AFF1: variants seen among roughly 807,000 people sequenced by gnomAD.
AFF1 encodes AF4/FMR2 family member 1.
In AFF1, 48 loss-of-function variants were observed where a neutral mutation model predicts 121.7. The ratio of observed to expected loss-of-function variants is 0.39; its 90% CI spans 0.31 to 0.50. AFF1 has a LOEUF of 0.50. Ranked by LOEUF, AFF1 falls within the 20% of genes least tolerant of loss-of-function variation. The probability of loss-of-function intolerance (pLI) is 0.76; values close to 1 mark genes in which losing one functional copy is unlikely to be tolerated. For missense variants in AFF1, 1,523 were observed against 1,511.7 expected (o/e 1.01, Z -0.12); for synonymous variants, 613 against 563.0 (o/e 1.09, Z -1.26).
chr4:87,018,752 T>A (rs569234911), intron 2 of AFF1, among the ~76,000 whole-genome samples: 1 of 152,358 alleles, frequency 6.6e-6, no homozygotes, highest in East Asian at 1.9e-4. Context: ...GCAAAGTGAG[T>A]ACCATAACAA....
intron 2 of AFF1, among the ~76,000 whole-genome samples, chr4:87,014,727 G>C (rs1430685931): frequency 6.6e-6 from 1 of 152,192 alleles, no homozygotes; most frequent in African/African-American, 2.4e-5. Flanking sequence ...ATTATCACGT[G>C]ACTTTCATCC....
intron 2 of AFF1, among the ~76,000 whole-genome samples, chr4:87,041,285 A>G (rs1730120542): frequency 6.6e-6 from 1 of 152,184 alleles, no homozygotes; most frequent in Non-Finnish European, 1.5e-5. Context: ...TGATAGTGCC[A>G]AAATCAGTGT....
chr4:86,968,778 C>A (rs1722709957), intron 2 of AFF1, among the ~76,000 whole-genome samples: 1 of 152,074 alleles, frequency 6.6e-6, no homozygotes, highest in African/African-American at 2.4e-5. Context: ...TCAGGGGGAC[C>A]CTTCTTGGAT....
At chr4:87,120,900 A>G (rs1216443363) in intron 12 of AFF1, among the ~76,000 whole-genome samples, 1 of 152,138 alleles carries the variant, frequency 6.6e-6, no homozygotes, top group Non-Finnish European at 1.5e-5. Flanking sequence ...AGCTGGCTGC[A>G]CGGCAGCGCA....
rs1392071939 is a variant in AFF1 at position 87,132,286 on chromosome 4, C to T, written c.3189C>T (p.Ser1063=). The T allele has an allele frequency of 1.9e-6, 3 of 1,612,448 alleles. No individual in the cohort carries two copies. Among genetic ancestry groups the T allele is most frequent in the East Asian group, 4.5e-5 (2 of 44,792 alleles). The change falls in exon 19 of 21, where the codon TCC becomes TCT. Residue 1063 remains serine, a synonymous_variant. Transcript: ENST00000395146. ...IFAVLCMRCQ[S]ILNMAMFRCK... ...TTGTTCATAGCATGCGTTGCCAGTC[C>T]ATTTTGAACATGGCGATGTTTCGTT...
At chr4:87,102,857 T>C (rs1349416523) in intron 8 of AFF1, among the ~76,000 whole-genome samples, 3 of 152,224 alleles carry the variant, frequency 2.0e-5, no homozygotes, top group Admixed American at 2.0e-4. Flanking sequence ...AGGTGTGCTG[T>C]AGTTCATCTC....
chr4:87,060,867 A>AAAAAAC (rs1560586070), intron 4 of AFF1, among the ~76,000 whole-genome samples: 6 of 41,066 alleles, frequency 1.5e-4, no homozygotes, highest in Non-Finnish European at 2.2e-4. Context: ...AAAAAAAAAA[A>AAAAAAC]CACAAAAAAA....
intron 8 of AFF1, among the ~76,000 whole-genome samples, chr4:87,095,626 C>T (rs1724753799): frequency 6.6e-6 from 1 of 152,062 alleles, no homozygotes; most frequent in Non-Finnish European, 1.5e-5. Flanking sequence ...TGAAGATTTT[C>T]CGCCCTTTTT....
At chr4:86,973,774 T>G (rs1723106011) in intron 2 of AFF1, 1 of 152,194 alleles carries the variant, frequency 6.6e-6, no homozygotes. Flanking sequence ...CTTTTCTTCC[T>G]TTCTTCCTTT....
intron 2 of AFF1, among the ~76,000 whole-genome samples, chr4:87,015,521 T>G (rs1429501856): frequency 6.6e-6 from 1 of 152,210 alleles, no homozygotes; most frequent in African/African-American, 2.4e-5. Context: ...GGAACTTAGT[T>G]TTTGTTTTTA....
intron 2 of AFF1, among the ~76,000 whole-genome samples, chr4:87,031,053 G>C (rs1031711912): frequency 6.6e-6 from 1 of 152,160 alleles, no homozygotes; most frequent in South Asian, 2.1e-4. Flanking sequence ...CCCACAGGCC[G>C]TTGTCTGGGG....
intron 4 of AFF1, among the ~76,000 whole-genome samples, chr4:87,073,213 G>T (rs371094417): frequency 7.1e-6 from 1 of 140,518 alleles, no homozygotes; most frequent in East Asian, 2.1e-4. Context: ...ACATTCCCAG[G>T]ATGACCTTGA....
intron 2 of AFF1, among the ~76,000 whole-genome samples, chr4:86,982,803 G>A (rs1033323739): frequency 4.5e-5 from 6 of 134,108 alleles, no homozygotes; most frequent in East Asian, 4.6e-4. Flanking sequence ...AGCCGAGATC[G>A]TGCCACTGCA....
At chr4:87,111,012 A>ATTTTTTTTTTTTTTTTTTTTTTTT (rs1281817683) in intron 11 of AFF1, among the ~76,000 whole-genome samples, 1 of 29,274 alleles carries the variant, frequency 3.4e-5, no homozygotes. Flanking sequence ...TTTTTTTTTT[A>ATTTTTTTTTTTTTTTTTTTTTTTT]TTTTTTTTTT....
intron 7 of AFF1, among the ~76,000 whole-genome samples, chr4:87,094,052 C>A (rs947713181): frequency 1.3e-5 from 2 of 152,128 alleles, no homozygotes; most frequent in African/African-American, 4.8e-5. Flanking sequence ...TCAGAGCCCT[C>A]TGAAATCTGC....
At chr4:87,127,542 C>A in intron 15 of AFF1, 101 bp from the exon 16 acceptor site, 2 of 1,053,520 alleles carry the variant, frequency 1.9e-6, no homozygotes, top group East Asian at 2.4e-5. Context: ...TCTCTCCTCC[C>A]CTTGCTGTCC....
intron 16 of AFF1, among the ~76,000 whole-genome samples, chr4:87,128,206 GA>G (rs1193125555): frequency 1.3e-5 from 2 of 152,206 alleles, no homozygotes; most frequent in Non-Finnish European, 2.9e-5. Context: ...AGGCTGACCT[GA>G]AGGAAGAGTT....
chr4:86,977,780 T>C (rs1723417487), intron 2 of AFF1, among the ~76,000 whole-genome samples: 1 of 152,240 alleles, frequency 6.6e-6, no homozygotes, highest in African/African-American at 2.4e-5. Flanking sequence ...TAAATGTTTG[T>C]TGAATTGCTT....
intron 2 of AFF1, among the ~76,000 whole-genome samples, chr4:86,951,236 G>C (rs548122809): frequency 6.6e-6 from 1 of 152,026 alleles, no homozygotes; most frequent in Non-Finnish European, 1.5e-5. Context: ...TTCCCAATTG[G>C]TGTGCCATCA....
Sources: allele counts gnomAD v4.1 joint callset (sites outside exome capture counted in the v4.1 genomes callset), GRCh38; gene constraint gnomAD v4.1.1; transcripts MANE v1.5; gene names NCBI Gene and HGNC (gene_info 2026-07-23, HGNC 2026-07-21).